Variants in IRS1 observed in about 807,000 individuals in gnomAD.
IRS1 encodes insulin receptor substrate 1.
A neutral mutation model predicts 65.6 loss-of-function variants in IRS1; 34 were observed. The observed-to-expected ratio is 0.52, with a 90% CI of 0.39 to 0.69. The LOEUF (loss-of-function observed/expected upper bound fraction) is 0.69, where lower values mean the gene tolerates loss of function less well. IRS1 is among the 30% of genes least tolerant of loss of function. The pLI is 0.00. For missense variants in IRS1, 1,641 were observed against 1,720.2 expected (o/e 0.95, Z 0.81); for synonymous variants, 699 against 683.5 (o/e 1.02, Z -0.35).
intron 1 of IRS1, among the ~76,000 whole-genome samples, chr2:226,767,790 G>A (rs1376266063): frequency 6.6e-6 from 1 of 152,158 alleles, no homozygotes; most frequent in Admixed American, 6.5e-5. Flanking sequence ...GGTGGCTTTA[G>A]TTCATTATCT....
chr2:226,759,839 C>G (rs528467971), intron 1 of IRS1, among the ~76,000 whole-genome samples: 1 of 152,148 alleles, frequency 6.6e-6, no homozygotes, highest in African/African-American at 2.4e-5. Context: ...TGTTTTGTCT[C>G]CTAGCACTCT....
chr2:226,799,797 G>C lies in IRS1; in HGVS notation c.-1059C>G. On this transcript the variant is annotated 5_prime_UTR_variant, in exon 1 of 2. Transcript: ENST00000305123. This position sits in a 1 kb window ranked among gnomAD's most constrained non-coding sequence, Gnocchi z 6.1. ...GAGAAAAACACGTGACGGAGCCTCC[G>C]CGCTCGGCAGCCGGGCAGCCGCCGC... 1 of 990,420 alleles carries C rather than the reference G, an allele frequency of 1.0e-6. No individual in the cohort carries two copies. The highest frequency in any genetic ancestry group is 4.7e-5 in the South Asian group (1 of 21,274). The allele number at this position is 990,420 out of a possible 1,614,324, so 61.4% of individuals were successfully genotyped here.
intron 1 of IRS1, among the ~76,000 whole-genome samples, chr2:226,747,372 T>G (rs1357402768): frequency 6.6e-6 from 1 of 152,024 alleles, no homozygotes; most frequent in African/African-American, 2.4e-5. Flanking sequence ...GGTGGAGCCC[T>G]CATGGGTGGG....
At chr2:226,773,737 G>A (rs982059864) in intron 1 of IRS1, among the ~76,000 whole-genome samples, 4 of 151,382 alleles carry the variant, frequency 2.6e-5, no homozygotes, top group Non-Finnish European at 4.4e-5. Flanking sequence ...CTACACCATC[G>A]CCTGCCCCTT....
At chr2:226,766,339 T>C in intron 1 of IRS1, among the ~76,000 whole-genome samples, 1 of 149,868 alleles carries the variant, frequency 6.7e-6, no homozygotes, top group Non-Finnish European at 1.5e-5. Context: ...AATTTTTGTA[T>C]CTTTAGTAGA....
Position 226,776,908 on chromosome 2 carries a change from C to T in IRS1, c.*21+18081G>A, listed in dbSNP as rs184904770. 1.5e-3 allele frequency among the ~76,000 whole-genome samples: 233 copies of T among 152,240 alleles called. 1 individual carries two copies. The highest frequency in any genetic ancestry group is 5.2e-3 in the African/African-American group (214 of 41,550). ...GCAACACAGTGAGACTCTTTGTGGT[C>T]TTCATCCCCAAAACACATTACTCAG... is the stretch of plus-strand genomic sequence containing the variant. On this transcript the variant is annotated intron_variant, in intron 1 of 1. Transcript: ENST00000305123.
chr2:226,777,852 C>CCT (rs1939303879), intron 1 of IRS1, among the ~76,000 whole-genome samples: 1 of 152,176 alleles, frequency 6.6e-6, no homozygotes, highest in Non-Finnish European at 1.5e-5. Context: ...AATTGCCCAG[C>CCT]CTCGGGTTTG....
At chr2:226,769,967 G>C (rs139617225) in intron 1 of IRS1, among the ~76,000 whole-genome samples, 29 of 152,192 alleles carry the variant, frequency 1.9e-4, no homozygotes, top group African/African-American at 7.0e-4. Flanking sequence ...AGCAGTGGAG[G>C]CACTAGGAAA....
chr2:226,738,032 T>A (rs1938364302), intron 1 of IRS1, among the ~76,000 whole-genome samples: 1 of 152,042 alleles, frequency 6.6e-6, no homozygotes, highest in Admixed American at 6.6e-5. Flanking sequence ...ATAGAAGGAA[T>A]TAAGTCTACA....
At position 226,796,065 on chromosome 2, in the gene IRS1, T is replaced by C. The variant is rs1801277; in HGVS notation, c.2674A>G (p.Ser892Gly). ...QPLLHPPEPKSPGEYVNIEFG... is the reference protein window; with the variant it reads ...QPLLHPPEPKGPGEYVNIEFG... ...TCAATATTGACATATTCCCCCGGGC[T>C]CTTGGGCTCTGGAGGGTGCAGCAAG... Residue 892 changes from serine (S) to glycine (G), a missense_variant, in exon 1 of 2, where the codon AGC (serine) becomes GGC (glycine). By Grantham distance (56) the Ser-to-Gly change is moderately conservative. Transcript: ENST00000305123. 5,036 of 1,613,936 alleles carry C rather than the reference T, an allele frequency of 3.1e-3. 17 individuals carry two copies. Among genetic ancestry groups the C allele is most frequent in the Non-Finnish European group, 3.4e-3 (4,044 of 1,180,018 alleles).
Position 226,798,060 on chromosome 2 carries a change from G to T in IRS1, c.679C>A (p.Arg227Ser), listed in dbSNP as rs1183097510. The change falls in exon 1 of 2, where the codon CGT (arginine) becomes AGT (serine). Residue 227 changes from arginine to serine, a missense_variant. Transcript: ENST00000305123. This position sits in a 1 kb window ranked among gnomAD's most constrained non-coding sequence, Gnocchi z 9.4. ...SENFFFIEVG[R>S]SAVTGPGEFW... is the part of the protein sequence containing the mutation. ...TCCCCGGGCCCCGTCACGGCAGAAC[G>T]GCCCACCTCGATGAAGAAGAAGTTT... 6.2e-7 allele frequency: 1 copy of T among 1,613,860 alleles called. No homozygotes were observed. Among genetic ancestry groups the T allele is most frequent in the Non-Finnish European group, 8.5e-7 (1 of 1,180,022 alleles).
chr2:226,746,785 CTTTTTTTTTTT>C (rs1213711501), intron 1 of IRS1, among the ~76,000 whole-genome samples: 7 of 118,440 alleles, frequency 5.9e-5, no homozygotes, highest in Non-Finnish European at 1.2e-4. Context: ...TAGCAGCATT[CTTTTTTTTTTT>C]TTTTTTTTTT....
chr2:226,788,940 C>G (rs1466274091), intron 1 of IRS1, among the ~76,000 whole-genome samples: 2 of 152,078 alleles, frequency 1.3e-5, no homozygotes, highest in African/African-American at 4.8e-5. Flanking sequence ...GAGGCAGGAT[C>G]TATTATTTTA....
chr2:226,796,565 A>C lies in IRS1; in HGVS notation c.2174T>G (p.Leu725Arg). 6.2e-6 allele frequency: 10 copies of C among 1,613,902 alleles called. No individual in the cohort carries two copies. The highest frequency in any genetic ancestry group is 7.6e-6 in the Non-Finnish European group (9 of 1,179,982). The change falls in exon 1 of 2, where the codon CTC (leucine) becomes CGC (arginine). Residue 725 changes from leucine to arginine, a missense_variant. Transcript: ENST00000305123. ...KPPVESSGGKLLPCTGDYMNM... is the reference protein window; with the variant it reads ...KPPVESSGGKRLPCTGDYMNM... ...CATGTAGTCACCTGTGCAAGGTAAG[A>C]GCTTACCACCGCTGCTCTCCACTGG...
chr2:226,743,187 T>G (rs1938474203), intron 1 of IRS1, among the ~76,000 whole-genome samples: 1 of 151,446 alleles, frequency 6.6e-6, no homozygotes, highest in Admixed American at 6.6e-5. Context: ...AAAAAGTCCC[T>G]CTTCATTTCA....
chr2:226,760,870 C>A (rs1938903729), intron 1 of IRS1, among the ~76,000 whole-genome samples: 1 of 152,172 alleles, frequency 6.6e-6, no homozygotes, highest in African/African-American at 2.4e-5. Context: ...TGAAAACTTG[C>A]CATCAAAGCT....
In IRS1 at chr2:226,796,591, G is replaced by C. The variant is rs777672247; in HGVS notation, c.2148C>G (p.Pro716=). The stretch of plus-strand genomic sequence containing the variant: ...GCTTACCACCGCTGCTCTCCACTGG[G>C]GGTTTGGGGTGAGGCAAGACATGAG... ...HHSHVLPHPK[P]PVESSGGKLL... Residue 716 remains proline, a synonymous_variant, in exon 1 of 2, where the codon CCC becomes CCG. Transcript: ENST00000305123. 6.8e-6 allele frequency: 11 copies of C among 1,613,952 alleles called. No individual in the cohort carries two copies. Among genetic ancestry groups the C allele is most frequent in the East Asian group, 2.2e-5 (1 of 44,884 alleles).
intron 1 of IRS1, among the ~76,000 whole-genome samples, chr2:226,786,541 C>T (rs1939489379): frequency 6.6e-6 from 1 of 151,460 alleles, no homozygotes; most frequent in Non-Finnish European, 1.5e-5. Context: ...TATAAGCAGT[C>T]TATCTCTGGA....
intron 1 of IRS1, among the ~76,000 whole-genome samples, chr2:226,753,247 A>T (rs1057266546): frequency 2.0e-5 from 3 of 152,214 alleles, no homozygotes; most frequent in African/African-American, 7.2e-5. Context: ...TTGCCAAATT[A>T]CCACTGTTTT....
Sources: allele counts gnomAD v4.1 joint callset (sites outside exome capture counted in the v4.1 genomes callset), GRCh38; gene constraint gnomAD v4.1.1; non-coding constraint Gnocchi (gnomAD v3.1); transcripts MANE v1.5; gene names NCBI Gene and HGNC (gene_info 2026-07-23, HGNC 2026-07-21).